MSRA: variants seen among roughly 807,000 people sequenced by gnomAD.
The protein encoded by MSRA is mitochondrial peptide methionine sulfoxide reductase.
Under a neutral mutation model 31.3 loss-of-function variants are expected in MSRA, and 54 were observed. The ratio of observed to expected loss-of-function variants is 1.73; its 90% CI spans 1.39 to 2.17. The LOEUF (loss-of-function observed/expected upper bound fraction) is 2.17, where lower values mean the gene tolerates loss of function less well. Ranked by LOEUF, MSRA falls within the 30% of genes most tolerant of loss-of-function variation. MSRA has a pLI of 0.00. For synonymous variants in MSRA, 169 were observed against 116.5 expected, an observed-to-expected ratio of 1.45 and a Z score of -2.90; for missense variants, 507 against 300.9, an observed-to-expected ratio of 1.69 and a Z score of -5.07.
chr8:10,281,388 T>TG (rs1192865689), intron 3 of MSRA, among the ~76,000 whole-genome samples: 3 of 152,220 alleles, frequency 2.0e-5, no homozygotes, highest in African/African-American at 7.2e-5. Flanking sequence ...TGAAAATGAA[T>TG]GGAGAAGGCT....
At chr8:10,088,615 A>C (rs1798690069) in intron 1 of MSRA, among the ~76,000 whole-genome samples, 1 of 152,156 alleles carries the variant, frequency 6.6e-6, no homozygotes, top group Non-Finnish European at 1.5e-5. Context: ...GCATGCTTGC[A>C]GTCCCAGCTA....
At chr8:10,233,122 T>A in intron 2 of MSRA, among the ~76,000 whole-genome samples, 1 of 152,238 alleles carries the variant, frequency 6.6e-6, no homozygotes, top group Middle Eastern at 3.2e-3. Flanking sequence ...ACAATTCAGA[T>A]ATATCCCGGA....
intron 2 of MSRA, among the ~76,000 whole-genome samples, chr8:10,226,846 G>C (rs1811044361): frequency 6.6e-6 from 1 of 152,172 alleles, no homozygotes; most frequent in Non-Finnish European, 1.5e-5. Context: ...TCTCAGCCTT[G>C]CTCTCAGGTC....
At chr8:10,391,967 G>C (rs1007091053) in intron 5 of MSRA, among the ~76,000 whole-genome samples, 1 of 152,182 alleles carries the variant, frequency 6.6e-6, no homozygotes, top group Non-Finnish European at 1.5e-5. Context: ...ATTTCCAAAA[G>C]GTGGTATTTT....
intron 1 of MSRA, among the ~76,000 whole-genome samples, chr8:10,167,685 T>A (rs1805258994): frequency 1.3e-5 from 2 of 152,196 alleles, no homozygotes; most frequent in East Asian, 3.8e-4. Context: ...ACCTTTGTGC[T>A]GTGTCTTAGG....
chr8:10,145,946 G>A (rs1197585134), intron 1 of MSRA, among the ~76,000 whole-genome samples: 3 of 152,188 alleles, frequency 2.0e-5, no homozygotes, highest in Non-Finnish European at 4.4e-5. Flanking sequence ...TGGAGAGGAC[G>A]GGAGCGTGTC....
At chr8:10,392,638 C>T (rs1230198388) in intron 5 of MSRA, among the ~76,000 whole-genome samples, 1 of 151,332 alleles carries the variant, frequency 6.6e-6, no homozygotes, top group East Asian at 1.9e-4. Flanking sequence ...GAAGACACCT[C>T]ATCCTGTCAT....
chr8:10,083,839 G>A (rs814423), intron 1 of MSRA, among the ~76,000 whole-genome samples: 1,533 of 152,190 alleles, frequency 0.01, 15 homozygotes, highest in African/African-American at 0.035. Context: ...CTTGGAAATA[G>A]CATTTAAATG....
intron 5 of MSRA, among the ~76,000 whole-genome samples, chr8:10,423,896 A>G (rs1271349231): frequency 6.6e-6 from 1 of 151,978 alleles, no homozygotes; most frequent in Admixed American, 6.5e-5. Context: ...CCAAGAATCC[A>G]TAGTTCATTT....
chr8:10,158,665 C>G (rs1334743734), intron 1 of MSRA, among the ~76,000 whole-genome samples: 1 of 151,736 alleles, frequency 6.6e-6, no homozygotes, highest in African/African-American at 2.4e-5. Flanking sequence ...TACTTTTTGT[C>G]TATTGTGAAT....
At chr8:10,195,185 T>A (rs1368797235) in intron 1 of MSRA, among the ~76,000 whole-genome samples, 1 of 152,264 alleles carries the variant, frequency 6.6e-6, no homozygotes. Context: ...GAGCAAAGCC[T>A]GTGCTATGGA....
At chr8:10,389,654 G>A (rs974926326) in intron 5 of MSRA, among the ~76,000 whole-genome samples, 2 of 151,798 alleles carry the variant, frequency 1.3e-5, no homozygotes, top group South Asian at 2.1e-4. Context: ...CCTAGAGGGC[G>A]GAGGGAACCC....
At chr8:10,137,321 A>G (rs1802355947) in intron 1 of MSRA, among the ~76,000 whole-genome samples, 1 of 152,234 alleles carries the variant, frequency 6.6e-6, no homozygotes, top group Non-Finnish European at 1.5e-5. Context: ...TGTTTGACTT[A>G]GGAACGTCTT....
chr8:10,198,989 C>T (rs75616600), intron 1 of MSRA, among the ~76,000 whole-genome samples: 6,167 of 152,206 alleles, frequency 0.041, 211 homozygotes, highest in South Asian at 0.11. Flanking sequence ...GCCATTTGCA[C>T]GAATCAAAGC....
At chr8:10,247,607 G>C (rs922788718) in intron 3 of MSRA, among the ~76,000 whole-genome samples, 1 of 152,188 alleles carries the variant, frequency 6.6e-6, no homozygotes, top group East Asian at 1.9e-4. Context: ...GTAAAGTATG[G>C]AAACCACAGA....
intron 1 of MSRA, among the ~76,000 whole-genome samples, chr8:10,121,919 G>A (rs1801142356): frequency 6.6e-6 from 1 of 151,202 alleles, no homozygotes; most frequent in Admixed American, 6.6e-5. Flanking sequence ...GGCCTCAAGT[G>A]ATCCTCCTTC....
intron 1 of MSRA, among the ~76,000 whole-genome samples, chr8:10,159,233 C>T (rs1000568850): frequency 1.2e-4 from 18 of 152,204 alleles, no homozygotes; most frequent in African/African-American, 4.3e-4. Context: ...AACTGCATTT[C>T]CTGCCTGGGC....
At chr8:10,098,560 A>G (rs1043465856) in intron 1 of MSRA, among the ~76,000 whole-genome samples, 2 of 152,238 alleles carry the variant, frequency 1.3e-5, no homozygotes, top group African/African-American at 2.4e-5. Context: ...GATTTAAAAT[A>G]AAATTTAAAC....
intron 1 of MSRA, among the ~76,000 whole-genome samples, chr8:10,090,882 G>T (rs1216454798): frequency 6.6e-6 from 1 of 152,146 alleles, no homozygotes; most frequent in African/African-American, 2.4e-5. Flanking sequence ...CCTTTGTATT[G>T]CTGAGTAATA....
Sources: gnomAD v4.1 joint callset for allele counts (sites outside exome capture counted in the v4.1 genomes callset) on GRCh38, gnomAD v4.1.1 for gene constraint, MANE v1.5 for transcripts, NCBI Gene and HGNC (gene_info 2026-07-23, HGNC 2026-07-21) for gene names.